CDH23: variants seen among roughly 807,000 people sequenced by gnomAD.
The protein encoded by CDH23 is cadherin-23.
In CDH23, 189 loss-of-function variants were observed where a neutral mutation model predicts 317.1. That is an observed-to-expected ratio of 0.60 (90% CI 0.53 to 0.67). The LOEUF (loss-of-function observed/expected upper bound fraction) is 0.67. Among genes scored for constraint, CDH23 ranks in the 30% least tolerant of loss-of-function variants. The pLI, the probability that CDH23 is intolerant of heterozygous loss-of-function variation, is 0.00. For synonymous variants in CDH23, 1,839 were observed against 1,876.8 expected, an observed-to-expected ratio of 0.98 and a Z score of 0.52; for missense variants, 4,401 against 4,592.4, an observed-to-expected ratio of 0.96 and a Z score of 1.20.
At chr10:71,591,897 G>T (rs755947422) in intron 9 of CDH23, among the ~76,000 whole-genome samples, 1 of 152,078 alleles carries the variant, frequency 6.6e-6, no homozygotes, top group African/African-American at 2.4e-5. Flanking sequence ...TGTTTTTGGC[G>T]CTGCTGCTGG....
At chr10:71,623,530 G>T (rs897589951) in intron 11 of CDH23, among the ~76,000 whole-genome samples, 1 of 152,196 alleles carries the variant, frequency 6.6e-6, no homozygotes, top group Non-Finnish European at 1.5e-5. Flanking sequence ...AGCTGATGTG[G>T]TCTGAGTCGC....
intron 1 of CDH23, among the ~76,000 whole-genome samples, chr10:71,430,805 A>C (rs984942961): frequency 6.6e-6 from 1 of 152,132 alleles, no homozygotes; most frequent in East Asian, 1.9e-4. Context: ...GGGTGACAGA[A>C]AAAAAACAAA....
chr10:71,524,876 A>G (rs1854939037), intron 6 of CDH23, among the ~76,000 whole-genome samples: 1 of 152,218 alleles, frequency 6.6e-6, no homozygotes, highest in African/African-American at 2.4e-5. Context: ...AGCCTCCAGA[A>G]GGAACGCAGC....
At chr10:71,498,995 G>A (rs1853128783) in intron 3 of CDH23, among the ~76,000 whole-genome samples, 1 of 152,164 alleles carries the variant, frequency 6.6e-6, no homozygotes, top group African/African-American at 2.4e-5. Context: ...GCCAAGATAT[G>A]GAATCAACCT....
intron 8 of CDH23, among the ~76,000 whole-genome samples, chr10:71,572,446 C>T (rs1054310435): frequency 6.6e-6 from 1 of 152,210 alleles, no homozygotes; most frequent in Non-Finnish European, 1.5e-5. Context: ...CCTCTGCTCC[C>T]CTGAAGGACT....
rs1419317543 is a variant in CDH23, at chr10:71,454,581, G to A, written c.145+8186G>A. ...AATTCTACCACTCATGGCACGGGCA[G>A]CAGTGTCCAGGTGGCCAAGCCAACT... On this transcript the variant is annotated intron_variant, in intron 3 of 69. Coordinates refer to ENST00000224721, the MANE Select transcript of CDH23 (RefSeq NM_022124.6). 2.0e-5 allele frequency among the ~76,000 whole-genome samples: 3 copies of A among 152,160 alleles called. No homozygotes were observed. In the East Asian group the frequency reaches 5.8e-4, roughly 29 times the overall value.
rs202204597 is a variant in CDH23, at chr10:71,732,010, C to T, written c.3739C>T (p.Arg1247Cys). The T allele has an allele frequency of 3.1e-4, 507 of 1,613,690 alleles. No homozygotes were observed. Among genetic ancestry groups the T allele is most frequent in the Non-Finnish European group, 4.1e-4 (480 of 1,179,814 alleles). Residue 1247 changes from arginine (R) to cysteine (C), a missense_variant, in exon 32 of 70, where the codon CGC becomes TGC. This residue lies in a region of CDH23 where 3,068 missense variants were observed against 3,203.3 expected (regional missense o/e 0.96). Coordinates refer to ENST00000224721, the MANE Select transcript of CDH23 (RefSeq NM_022124.6). ...AGGGGATGGTGGCCTGGTGAACTAC[C>T]GCATCCTGTCGGGCGCAGAGGGGAA... Reference protein sequence around the residue: ...DSGDGGLVNYRILSGAEGKFE... With the variant: ...DSGDGGLVNYCILSGAEGKFE...
intron 11 of CDH23, among the ~76,000 whole-genome samples, chr10:71,624,689 G>T (rs1040395618): frequency 1.3e-5 from 2 of 151,976 alleles, no homozygotes; most frequent in Admixed American, 1.3e-4. Context: ...GACAGAGAGA[G>T]AACCTGTCTC....
chr10:71,648,455 C>A (rs1453843380), intron 14 of CDH23, among the ~76,000 whole-genome samples: 1 of 152,242 alleles, frequency 6.6e-6, no homozygotes, highest in Non-Finnish European at 1.5e-5. Context: ...GTGTCAGATC[C>A]AGGCTTAGTG....
intron 47 of CDH23, among the ~76,000 whole-genome samples, chr10:71,792,788 C>T (rs1458765844): frequency 3.7e-5 from 5 of 133,776 alleles, no homozygotes; most frequent in African/African-American, 1.4e-4. Context: ...CACCACTGCA[C>T]TCCAGCCTAG....
chr10:71,501,875 G>T (rs528644436), intron 3 of CDH23, among the ~76,000 whole-genome samples: 1 of 152,294 alleles, frequency 6.6e-6, no homozygotes, highest in Admixed American at 6.5e-5. Context: ...GCAGGTGGGG[G>T]TGTGCAGCAG....
intron 31 of CDH23, among the ~76,000 whole-genome samples, chr10:71,731,306 TC>T (rs1564763223): frequency 1.3e-5 from 2 of 152,132 alleles, no homozygotes; most frequent in Non-Finnish European, 2.9e-5. Flanking sequence ...CTCTGGTGGC[TC>T]CCAACTCCTC....
chr10:71,445,858 A>C (rs796442208), intron 2 of CDH23, among the ~76,000 whole-genome samples: 2,980 of 151,824 alleles, frequency 0.02, 129 homozygotes, highest in African/African-American at 0.067. Flanking sequence ...AAAAAAAAAA[A>C]AAAAAAAAAA....
intron 30 of CDH23, among the ~76,000 whole-genome samples, chr10:71,729,806 G>T (rs75141466): frequency 0.02 from 3,006 of 152,110 alleles, 185 homozygotes; most frequent in East Asian, 0.17. Flanking sequence ...AACCTTAGGA[G>T]TGGCATGGAG....
intron 1 of CDH23, among the ~76,000 whole-genome samples, chr10:71,398,234 T>G (rs1290157985): frequency 6.6e-6 from 1 of 152,206 alleles, no homozygotes; most frequent in Admixed American, 6.5e-5. Context: ...AGCGGTCCAC[T>G]GGGAGGAAAT....
chr10:71,800,901 G>A (rs1841540035), intron 53 of CDH23, 146 bp downstream of exon 53: 2 of 1,141,154 alleles, frequency 1.8e-6, no homozygotes, highest in Non-Finnish European at 2.5e-6. Context: ...GAGAAGGCAA[G>A]AGGGTAACTG....
chr10:71,786,589 C>T (rs897106256), intron 44 of CDH23, among the ~76,000 whole-genome samples: 2 of 151,398 alleles, frequency 1.3e-5, no homozygotes, highest in Admixed American at 1.3e-4. Context: ...CCTCCACCTC[C>T]CAGGTTCAAG....
At chr10:71,655,513 T>A (rs1863379584) in intron 14 of CDH23, among the ~76,000 whole-genome samples, 1 of 152,136 alleles carries the variant, frequency 6.6e-6, no homozygotes, top group African/African-American at 2.4e-5. Flanking sequence ...ATGTGTCACC[T>A]CTCGAGTTCC....
intron 11 of CDH23, among the ~76,000 whole-genome samples, chr10:71,634,884 C>G (rs1390066274): frequency 6.6e-6 from 1 of 152,238 alleles, no homozygotes; most frequent in South Asian, 2.1e-4. Flanking sequence ...TTGAGGGGAG[C>G]CTCACCCTCC....
Sources: allele counts gnomAD v4.1 joint callset (sites outside exome capture counted in the v4.1 genomes callset), GRCh38; gene constraint gnomAD v4.1.1; regional missense constraint gnomAD v4.1.1; transcripts MANE v1.5; gene names NCBI Gene and HGNC (gene_info 2026-07-23, HGNC 2026-07-21).